Variants in MOB1B observed in about 807,000 individuals in gnomAD.
The protein encoded by MOB1B is MOB1 Mps One Binder homolog B.
In MOB1B, 19 loss-of-function variants were observed where a neutral mutation model predicts 24.4. The observed-to-expected ratio is 0.78, with a 90% CI of 0.54 to 1.14. The LOEUF is 1.14. MOB1B is among the 50% of genes most tolerant of loss of function. MOB1B has a pLI of 0.00. For missense variants in MOB1B, 243 were observed against 259.6 expected, an observed-to-expected ratio of 0.94 and a Z score of 0.44; for synonymous variants, 76 against 82.1, an observed-to-expected ratio of 0.93 and a Z score of 0.40.
intron 1 of MOB1B, among the ~76,000 whole-genome samples, chr4:70,906,176 G>T (rs1450949571): frequency 1.3e-5 from 2 of 152,110 alleles, no homozygotes; most frequent in African/African-American, 4.8e-5. Context: ...TCAGGAGTTT[G>T]AGACCAGCCT....
chr4:70,976,151 C>T (rs1462456596), intron 4 of MOB1B: 4 of 937,944 alleles, frequency 4.3e-6, no homozygotes, highest in Admixed American at 6.2e-5. Flanking sequence ...ATCTACCCAC[C>T]TCGGCCTCCC....
intron 1 of MOB1B, among the ~76,000 whole-genome samples, chr4:70,957,286 A>C (rs1738103464): frequency 6.6e-6 from 1 of 150,914 alleles, no homozygotes; most frequent in South Asian, 2.1e-4. Context: ...AAACAGAAAA[A>C]AAAAAGTTCC....
At chr4:70,940,159 G>T (rs890803034) in intron 1 of MOB1B, among the ~76,000 whole-genome samples, 1 of 152,064 alleles carries the variant, frequency 6.6e-6, no homozygotes, top group African/African-American at 2.4e-5. Flanking sequence ...TCCTGTTAGG[G>T]TCTCGGGGGT....
intron 2 of MOB1B, among the ~76,000 whole-genome samples, chr4:70,967,575 GAA>G (rs1327129666): frequency 6.6e-6 from 1 of 152,078 alleles, no homozygotes; most frequent in Non-Finnish European, 1.5e-5. Flanking sequence ...TTTTGGAAAA[GAA>G]AATATGTTGA....
Position 70,922,882 on chromosome 4 carries a change from T to C in MOB1B, c.14+20332T>C, listed in dbSNP as rs574937430. ...ATCTATACACACACACAAACGAAGA[T>C]CCAATTGCTTGGAACCTTAGCCATG... On this transcript the variant is annotated intron_variant, in intron 1 of 5. Coordinates refer to ENST00000309395, the MANE Select transcript of MOB1B (RefSeq NM_173468.4). 5.3e-5 allele frequency among the ~76,000 whole-genome samples: 8 copies of C among 152,178 alleles called. 1 individual carries two copies. The highest frequency in any genetic ancestry group is 1.9e-4 in the African/African-American group (8 of 41,510).
At chr4:70,975,331 T>C (rs1738939759) in intron 4 of MOB1B, 45 bp downstream of exon 4, 2 of 1,597,752 alleles carry the variant, frequency 1.3e-6, no homozygotes, top group African/African-American at 1.4e-5. Flanking sequence ...ATTTATCTTT[T>C]ATATGTTTAT....
At chr4:70,944,052 AT>A (rs1220017025) in intron 1 of MOB1B, among the ~76,000 whole-genome samples, 1 of 152,126 alleles carries the variant, frequency 6.6e-6, no homozygotes, top group Non-Finnish European at 1.5e-5. Context: ...GATATCTGTA[AT>A]ACTTTTTTTT....
intron 1 of MOB1B, among the ~76,000 whole-genome samples, chr4:70,912,022 G>T (rs1223137858): frequency 6.8e-6 from 1 of 147,418 alleles, no homozygotes; most frequent in Non-Finnish European, 1.5e-5. Context: ...TCAACCTCCC[G>T]AGTAGCTGGG....
intron 1 of MOB1B, among the ~76,000 whole-genome samples, chr4:70,914,672 G>T (rs1356141689): frequency 6.6e-6 from 1 of 152,150 alleles, no homozygotes; most frequent in Non-Finnish European, 1.5e-5. Context: ...AGTGGCACAG[G>T]GTTCATTCTA....
chr4:70,902,252 G>C (rs913523205), upstream of MOB1B: 35 of 559,284 alleles, frequency 6.3e-5, no homozygotes, highest in South Asian at 4.3e-4. Context: ...CTCGTGAGGT[G>C]GGGGCGGCGG....
At chr4:70,937,882 T>C (rs1012039583) in intron 1 of MOB1B, among the ~76,000 whole-genome samples, 2 of 152,138 alleles carry the variant, frequency 1.3e-5, no homozygotes, top group African/African-American at 2.4e-5. Flanking sequence ...TTATTTTCTA[T>C]TCCTTGTATT....
At chr4:70,959,144 TATC>T in intron 2 of MOB1B, 104 bp downstream of exon 2, 1 of 858,572 alleles carries the variant, frequency 1.2e-6, no homozygotes, top group Admixed American at 2.8e-5. Flanking sequence ...AGTAAGCTAA[TATC>T]ATAAAAGAGT....
intron 2 of MOB1B, among the ~76,000 whole-genome samples, chr4:70,966,845 T>C (rs112074315): frequency 0.013 from 1,957 of 150,678 alleles, 38 homozygotes; most frequent in African/African-American, 0.046. Context: ...GAGATCCTAC[T>C]TCAAAAAAAA....
intron 1 of MOB1B, among the ~76,000 whole-genome samples, chr4:70,933,949 G>C (rs1736981641): frequency 6.6e-6 from 1 of 152,108 alleles, no homozygotes; most frequent in Non-Finnish European, 1.5e-5. Flanking sequence ...CACTTTCTGA[G>C]GCCGAGGCAG....
At chr4:70,969,893 C>G in intron 2 of MOB1B, 38 bp from the exon 3 acceptor site, 3 of 1,120,206 alleles carry the variant, frequency 2.7e-6, no homozygotes, top group Non-Finnish European at 4.0e-6. Context: ...TTAAATTTAG[C>G]CATTCTGTTT....
chr4:70,925,608 C>T (rs1259918466), intron 1 of MOB1B, among the ~76,000 whole-genome samples: 2 of 151,598 alleles, frequency 1.3e-5, no homozygotes, highest in African/African-American at 2.4e-5. Context: ...GGATCTTTGG[C>T]ACCACCTAGG....
At chr4:70,942,014 A>G (rs898767568) in intron 1 of MOB1B, among the ~76,000 whole-genome samples, 5 of 152,162 alleles carry the variant, frequency 3.3e-5, no homozygotes, top group Non-Finnish European at 7.3e-5. Context: ...AATCTTAGCT[A>G]ATATTTCAGA....
rs1735545250 is a variant in MOB1B, at chr4:70,902,417, C to T, written c.-120C>T. 6 of 1,129,936 alleles carry T rather than the reference C, an allele frequency of 5.3e-6. No homozygotes were observed. The highest frequency in any genetic ancestry group is 2.6e-5 in the South Asian group (2 of 75,868). 70.0% of individuals were successfully genotyped at this position (1,129,936 alleles called of 1,614,324 possible). A position where few individuals can be genotyped will look rare whatever the true frequency, so the allele number is the denominator to read the frequency against. ...AGTTGCGGCCACCGAGCAGCCGGCT[C>T]TCGGCACCTCCTCCTCCGCCTCCCT... On this transcript the variant is annotated 5_prime_UTR_variant, in exon 1 of 6. Transcript: ENST00000309395.
Position 70,980,044 on chromosome 4 carries a change from A to G in MOB1B, c.573+753A>G, listed in dbSNP as rs1578407345. 2.6e-5 allele frequency among the ~76,000 whole-genome samples: 4 copies of G among 152,320 alleles called. 1 individual carries two copies. The highest frequency in any genetic ancestry group is 2.6e-4 in the Admixed American group (4 of 15,302). On this transcript the variant is annotated intron_variant, in intron 5 of 5. Coordinates refer to ENST00000309395, the MANE Select transcript of MOB1B (RefSeq NM_173468.4). ...GGGGAGATGGTCATCAGGAGAATAA[A>G]CAATTAAACATCTTGAATTCGTGTT...
Sources: gnomAD v4.1 joint callset for allele counts (sites outside exome capture counted in the v4.1 genomes callset) on GRCh38, gnomAD v4.1.1 for gene constraint, MANE v1.5 for transcripts, NCBI Gene and HGNC (gene_info 2026-07-23, HGNC 2026-07-21) for gene names.